Variants in IL1RAPL1 observed in about 807,000 individuals in gnomAD.
IL1RAPL1 encodes interleukin 1 receptor accessory protein like 1, also known as interleukin-1 receptor accessory protein-like 1.
IL1RAPL1 carries 3 observed loss-of-function variants against 48.4 expected under a neutral mutation model. That is an observed-to-expected ratio of 0.06 (90% CI 0.03 to 0.16). IL1RAPL1 has a LOEUF of 0.16. Ranked by LOEUF, IL1RAPL1 falls within the 10% of genes least tolerant of loss-of-function variation. IL1RAPL1 has a pLI of 1.00. For missense variants in IL1RAPL1, 349 were observed against 530.6 expected, an observed-to-expected ratio of 0.66 and a Z score of 3.36; for synonymous variants, 185 against 187.7, an observed-to-expected ratio of 0.99 and a Z score of 0.12.
At chrX:28,742,583 T>A (rs1243149595) in intron 1 of IL1RAPL1, among the ~76,000 whole-genome samples, 1 of 111,830 alleles carries the variant, frequency 8.9e-6, no homozygotes, top group Non-Finnish European at 1.9e-5. Flanking sequence ...GTGGAGTCAA[T>A]CCGAGTCTTT....
chrX:29,802,842 C>CATATGTATACAT (rs1929987444), intron 6 of IL1RAPL1, among the ~76,000 whole-genome samples: 2 of 30,212 alleles, frequency 6.6e-5, no homozygotes, highest in African/African-American at 2.9e-4. Context: ...TATATGTATA[C>CATATGTATACAT]ATATATGTGT....
intron 2 of IL1RAPL1, among the ~76,000 whole-genome samples, chrX:29,201,359 T>G (rs5985975): frequency 0.1 from 11,289 of 111,406 alleles, 1,421 homozygotes; most frequent in African/African-American, 0.35. Context: ...TTTTGATAAC[T>G]GTAATTTTTA....
intron 2 of IL1RAPL1, among the ~76,000 whole-genome samples, chrX:29,047,723 T>G (rs973603710): frequency 1.4e-5 from 1 of 73,473 alleles, no homozygotes; most frequent in African/African-American, 7.1e-5. Flanking sequence ...CAATATAAAT[T>G]CAACCTTTTT....
rs1023715794 is a variant in IL1RAPL1 at position 29,179,156 on chromosome X, A to G, written c.83-103782A>G. 5.4e-5 allele frequency among the ~76,000 whole-genome samples: 6 copies of G among 110,637 alleles called. No homozygotes were observed. The East Asian group carries it at 8.6e-4, about 16-fold the overall frequency. On this transcript the variant is annotated intron_variant, in intron 2 of 10. Coordinates refer to ENST00000378993, the MANE Select transcript of IL1RAPL1 (RefSeq NM_014271.4). ...AGGAAGTCATTGGTAGCTTGATGGGAATGGCATTGAATCTATAAATTACCT... is the reference window on the plus strand; with the variant it reads ...AGGAAGTCATTGGTAGCTTGATGGGGATGGCATTGAATCTATAAATTACCT...
chrX:29,200,505 AT>A (rs1305072229), intron 2 of IL1RAPL1, among the ~76,000 whole-genome samples: 1 of 111,996 alleles, frequency 8.9e-6, no homozygotes, highest in Non-Finnish European at 1.9e-5. Context: ...ATTTTAGCAG[AT>A]TGTTTTTTCT....
chrX:29,672,539 C>G (rs1204083419), intron 6 of IL1RAPL1, among the ~76,000 whole-genome samples: 1 of 110,942 alleles, frequency 9.0e-6, no homozygotes, highest in African/African-American at 3.3e-5. Flanking sequence ...AAATGTCTAC[C>G]CTTGAGAAAA....
At chrX:29,448,874 A>G (rs998638702) in intron 5 of IL1RAPL1, among the ~76,000 whole-genome samples, 3 of 111,360 alleles carry the variant, frequency 2.7e-5, no homozygotes, top group Non-Finnish European at 5.7e-5. Context: ...GCTTGTAGAT[A>G]GACTCCTTCT....
intron 6 of IL1RAPL1, among the ~76,000 whole-genome samples, chrX:29,900,890 A>G (rs1002372906): frequency 8.9e-6 from 1 of 112,037 alleles, no homozygotes; most frequent in Non-Finnish European, 1.9e-5. Context: ...TAAGCTGGGT[A>G]ACAAGGATAC....
chrX:29,660,899 G>C (rs187213659), intron 5 of IL1RAPL1, among the ~76,000 whole-genome samples: 157 of 112,085 alleles, frequency 1.4e-3, no homozygotes, highest in African/African-American at 4.9e-3. Flanking sequence ...GGATTGCAAT[G>C]AATCTGTCAA....
intron 3 of IL1RAPL1, chrX:29,369,760 A>G (rs761676451): frequency 8.9e-6 from 1 of 112,285 alleles, no homozygotes; most frequent in African/African-American, 3.2e-5. Flanking sequence ...ACAATGAGAC[A>G]GCTCCAGATC....
At chrX:28,603,042 A>T (rs981869981) in intron 1 of IL1RAPL1, among the ~76,000 whole-genome samples, 1 of 111,750 alleles carries the variant, frequency 8.9e-6, no homozygotes, top group Non-Finnish European at 1.9e-5. Context: ...TTTTGAGACT[A>T]TTGAAAGGTA....
chrX:29,915,866 A>G (rs1932796153), intron 6 of IL1RAPL1, among the ~76,000 whole-genome samples: 1 of 82,412 alleles, frequency 1.2e-5, no homozygotes, highest in African/African-American at 4.5e-5. Flanking sequence ...GTCATCTAGC[A>G]TTAGGTATAT....
chrX:29,362,472 G>A (rs1213147005), intron 3 of IL1RAPL1, among the ~76,000 whole-genome samples: 1 of 112,120 alleles, frequency 8.9e-6, no homozygotes, highest in Non-Finnish European at 1.9e-5. Flanking sequence ...CTACCATTCA[G>A]AAGCACTGTG....
At chrX:28,799,588 A>G (rs768204123) in intron 2 of IL1RAPL1, among the ~76,000 whole-genome samples, 1 of 112,287 alleles carries the variant, frequency 8.9e-6, no homozygotes, top group Non-Finnish European at 1.9e-5. Flanking sequence ...ATGTAGGATC[A>G]TACATGAAAA....
At chrX:29,828,172 G>A (rs779634179) in intron 6 of IL1RAPL1, among the ~76,000 whole-genome samples, 4 of 111,981 alleles carry the variant, frequency 3.6e-5, no homozygotes, top group African/African-American at 1.3e-4. Flanking sequence ...CAAAGGGAGA[G>A]GATAAGGTGA....
chrX:29,835,898 T>TTTC (rs751809384), intron 6 of IL1RAPL1, among the ~76,000 whole-genome samples: 3 of 101,625 alleles, frequency 3.0e-5, no homozygotes, highest in Admixed American at 1.0e-4. Flanking sequence ...TTTTTTTTTT[T>TTTC]AGTTAGTTAG....
chrX:29,816,780 C>A, intron 6 of IL1RAPL1, among the ~76,000 whole-genome samples: 1 of 110,676 alleles, frequency 9.0e-6, no homozygotes, highest in East Asian at 2.8e-4. Context: ...TCCTCCCCCC[C>A]CACTGAAATT....
intron 6 of IL1RAPL1, among the ~76,000 whole-genome samples, chrX:29,776,320 T>A (rs1569165788): frequency 9.0e-6 from 1 of 111,125 alleles, no homozygotes; most frequent in East Asian, 2.8e-4. Flanking sequence ...TGCCCTCCCT[T>A]CCCTAATCAT....
intron 2 of IL1RAPL1, among the ~76,000 whole-genome samples, chrX:29,055,162 C>T (rs1275804471): frequency 2.7e-5 from 3 of 111,401 alleles, no homozygotes; most frequent in Non-Finnish European, 5.7e-5. Context: ...TGTGTGGAAC[C>T]TTTACTATTC....
Sources: gnomAD v4.1 joint callset for allele counts (sites outside exome capture counted in the v4.1 genomes callset) on GRCh38, gnomAD v4.1.1 for gene constraint, MANE v1.5 for transcripts, NCBI Gene and HGNC (gene_info 2026-07-23, HGNC 2026-07-21) for gene names.